Variants in ARHGAP42 observed in about 807,000 individuals in gnomAD.
ARHGAP42 encodes Rho GTPase activating protein 42.
A neutral mutation model predicts 125.0 loss-of-function variants in ARHGAP42; 63 were observed. The observed-to-expected ratio is 0.50, with a 90% CI of 0.41 to 0.62. The LOEUF (loss-of-function observed/expected upper bound fraction) is 0.62. Among genes scored for constraint, ARHGAP42 ranks in the 20% least tolerant of loss-of-function variants. The pLI, the probability that ARHGAP42 is intolerant of heterozygous loss-of-function variation, is 0.00. For synonymous variants in ARHGAP42, 339 were observed against 351.0 expected (o/e 0.97, Z 0.38); for missense variants, 766 against 1,024.2 (o/e 0.75, Z 3.44).
intron 11 of ARHGAP42, 33 bp downstream of exon 11, chr11:100,948,568 T>A (rs1230387398): frequency 4.8e-6 from 7 of 1,458,392 alleles, no homozygotes; most frequent in Middle Eastern, 1.8e-4. Flanking sequence ...AATTTAGGTT[T>A]TATTGTCCTA....
At chr11:100,794,422 A>G (rs1336615784) in intron 2 of ARHGAP42, among the ~76,000 whole-genome samples, 5 of 152,212 alleles carry the variant, frequency 3.3e-5, no homozygotes, top group African/African-American at 1.2e-4. Flanking sequence ...TTTCTAAAGC[A>G]GGCCTCTCAA....
chr11:100,837,680 T>TA lies in ARHGAP42; in HGVS notation c.313-21874_313-21873insA, dbSNP rs1565235535. On this transcript the variant is annotated intron_variant, in intron 3 of 23. Transcript: ENST00000298815. ...TAGGTGTCATCCTTTTTTTTTTTTT[T>TA]TTTTTTTTTTTTTTTTTAGTAAATA... Among the ~76,000 whole-genome samples, 25 of 139,870 alleles carry TA rather than the reference T, an allele frequency of 1.8e-4. No individual in the cohort carries two copies. In the East Asian group the frequency reaches 4.4e-3, roughly 25 times the overall value. The allele number at this position is 139,870 out of a possible 152,430, so 91.8% of individuals were successfully genotyped here. A position where few individuals can be genotyped will look rare whatever the true frequency, so the allele number is the denominator to read the frequency against.
intron 2 of ARHGAP42, among the ~76,000 whole-genome samples, chr11:100,780,153 G>A (rs1364541562): frequency 1.3e-5 from 2 of 151,974 alleles, no homozygotes; most frequent in Non-Finnish European, 2.9e-5. Context: ...TATGTGACAA[G>A]AACTGTGCTT....
intron 17 of ARHGAP42, among the ~76,000 whole-genome samples, chr11:100,967,746 G>A (rs1029055424): frequency 8.6e-5 from 13 of 151,736 alleles, no homozygotes; most frequent in Non-Finnish European, 1.6e-4. Context: ...ACAGAGTCTC[G>A]CTCTGTCGCC....
intron 3 of ARHGAP42, among the ~76,000 whole-genome samples, chr11:100,813,043 AGTGGAAGTG>A (rs1181734631): frequency 6.6e-6 from 1 of 152,202 alleles, no homozygotes; most frequent in Non-Finnish European, 1.5e-5. Flanking sequence ...GGATGAAAGT[AGTGGAAGTG>A]GTAGAAGTGT....
At chr11:100,867,133 C>T (rs1865587311) in intron 4 of ARHGAP42, among the ~76,000 whole-genome samples, 1 of 152,196 alleles carries the variant, frequency 6.6e-6, no homozygotes, top group African/African-American at 2.4e-5. Flanking sequence ...GTAGATTCCA[C>T]ATACATCTTA....
At chr11:100,765,800 TCTTCCTTAGATC>T (rs1349880842) in intron 1 of ARHGAP42, among the ~76,000 whole-genome samples, 1 of 152,096 alleles carries the variant, frequency 6.6e-6, no homozygotes, top group Non-Finnish European at 1.5e-5. Flanking sequence ...CTCCTGTGAG[TCTTCCTTAGATC>T]CAATCCTAGA....
chr11:100,790,010 A>G (rs537944048), intron 2 of ARHGAP42, among the ~76,000 whole-genome samples: 8 of 152,230 alleles, frequency 5.3e-5, no homozygotes, highest in Non-Finnish European at 1.0e-4. Context: ...CAAACTGATC[A>G]ATTGTTGAAA....
chr11:100,911,953 G>A (rs1478915925), intron 4 of ARHGAP42, among the ~76,000 whole-genome samples: 3 of 152,096 alleles, frequency 2.0e-5, no homozygotes, highest in Non-Finnish European at 4.4e-5. Context: ...AAGCATCTCA[G>A]TACTTCTTAC....
intron 2 of ARHGAP42, among the ~76,000 whole-genome samples, chr11:100,777,420 T>C (rs1349767770): frequency 6.6e-6 from 1 of 151,904 alleles, no homozygotes; most frequent in Non-Finnish European, 1.5e-5. Context: ...TTCAAGGGAG[T>C]GGTTGGAAAA....
chr11:100,990,132 TCTATAA>T lies in ARHGAP42; in HGVS notation c.*1332_*1337del. ...ATTTCAATAATTCTAATATATTATT[TCTATAA>T]ATGTAATATCTGTATGTGGCAAAGA... On this transcript the variant is annotated 3_prime_UTR_variant, in exon 24 of 24. Coordinates refer to ENST00000298815, the MANE Select transcript of ARHGAP42 (RefSeq NM_152432.4). The T allele has an allele frequency of 6.6e-6, 1 of 152,238 alleles. No homozygotes were observed. 9.4% of individuals were successfully genotyped at this position (152,238 alleles called of 1,614,324 possible). A position where few individuals can be genotyped will look rare whatever the true frequency, so the allele number is the denominator to read the frequency against.
chr11:100,763,352 A>G (rs573143708), intron 1 of ARHGAP42, among the ~76,000 whole-genome samples: 195 of 152,210 alleles, frequency 1.3e-3, no homozygotes, highest in African/African-American at 4.3e-3. Context: ...ACTCTTTTTC[A>G]GGTATCTGCT....
intron 2 of ARHGAP42, among the ~76,000 whole-genome samples, chr11:100,773,197 T>G (rs1863023598): frequency 6.6e-6 from 1 of 152,154 alleles, no homozygotes; most frequent in Non-Finnish European, 1.5e-5. Context: ...TTTTTCTTTT[T>G]CAACCCTTTT....
intron 3 of ARHGAP42, among the ~76,000 whole-genome samples, chr11:100,834,627 T>G (rs1321782517): frequency 6.6e-6 from 1 of 152,040 alleles, no homozygotes; most frequent in African/African-American, 2.4e-5. Context: ...AAGTTTGAGC[T>G]CATAGCATGA....
intron 1 of ARHGAP42, among the ~76,000 whole-genome samples, chr11:100,713,843 G>A (rs1490676913): frequency 6.6e-6 from 1 of 152,052 alleles, no homozygotes; most frequent in Non-Finnish European, 1.5e-5. Context: ...GCTTATATTT[G>A]AGCAAATTCG....
In ARHGAP42 at chr11:100,992,025, C is replaced by T. The variant is rs1858842806; in HGVS notation, c.*3224C>T. 1 of 340,748 alleles carries T rather than the reference C, an allele frequency of 2.9e-6. No individual in the cohort carries two copies. The highest frequency in any genetic ancestry group is 2.1e-5 in the African/African-American group (1 of 47,810). 21.1% of individuals were successfully genotyped at this position (340,748 alleles called of 1,614,324 possible). A position where few individuals can be genotyped will look rare whatever the true frequency, so the allele number is the denominator to read the frequency against. On this transcript the variant is annotated 3_prime_UTR_variant, in exon 24 of 24. Transcript: ENST00000298815. ...GTGAGGCAAACAGATTTCTCACTAT[C>T]ATCCAGTGTACCCTGCTCACCTTCT...
At chr11:100,774,938 C>T (rs551950209) in intron 2 of ARHGAP42, among the ~76,000 whole-genome samples, 31 of 152,104 alleles carry the variant, frequency 2.0e-4, no homozygotes, top group African/African-American at 6.7e-4. Flanking sequence ...AAATGGGATT[C>T]GTTGTTCGAG....
In ARHGAP42 at chr11:100,903,709, A is replaced by AAAAAATATAT. The variant is rs1332890022; in HGVS notation, c.385-9742_385-9741insAAAATATATA. ...ATGTATATATATACATGTCCCTCAAAATATATATATATATATATATATATA... is the reference window on the plus strand; with the variant it reads ...ATGTATATATATACATGTCCCTCAAAAAAAATATATATATATATATATATATATATATATA... On this transcript the variant is annotated intron_variant, in intron 4 of 23. Coordinates refer to ENST00000298815, the MANE Select transcript of ARHGAP42 (RefSeq NM_152432.4). Among the ~76,000 whole-genome samples the AAAAAATATAT allele has an allele frequency of 6.1e-4, 39 of 63,498 alleles. 1 individual carries two copies. Among genetic ancestry groups the AAAAAATATAT allele is most frequent in the African/African-American group, 2.5e-3 (37 of 14,656 alleles). The allele number at this position is 63,498 out of a possible 152,430, so 41.7% of individuals were successfully genotyped here. A position where few individuals can be genotyped will look rare whatever the true frequency, so the allele number is the denominator to read the frequency against.
chr11:100,787,127 A>AG (rs1442027545), intron 2 of ARHGAP42, among the ~76,000 whole-genome samples: 2 of 151,934 alleles, frequency 1.3e-5, no homozygotes, highest in Admixed American at 6.6e-5. Flanking sequence ...AATACAAAAA[A>AG]ATTAGGCGGG....
Sources: allele counts gnomAD v4.1 joint callset (sites outside exome capture counted in the v4.1 genomes callset), GRCh38; gene constraint gnomAD v4.1.1; transcripts MANE v1.5; gene names NCBI Gene and HGNC (gene_info 2026-07-23, HGNC 2026-07-21).